Variants in PCBP3 observed in about 807,000 individuals in gnomAD.
PCBP3 encodes poly(rC) binding protein 3.
A neutral mutation model predicts 52.7 loss-of-function variants in PCBP3; 25 were observed. The ratio of observed to expected loss-of-function variants is 0.47; its 90% CI spans 0.35 to 0.66. The LOEUF (loss-of-function observed/expected upper bound fraction) is 0.66. Among genes scored for constraint, PCBP3 ranks in the 30% least tolerant of loss-of-function variants. The probability of loss-of-function intolerance (pLI) is 0.01; values close to 1 mark genes in which losing one functional copy is unlikely to be tolerated. For synonymous variants in PCBP3, 162 were observed against 183.0 expected (o/e 0.89, Z 0.93); for missense variants, 391 against 490.3 (o/e 0.80, Z 1.91).
intron 4 of PCBP3, among the ~76,000 whole-genome samples, chr21:45,823,382 G>T (rs912696584): frequency 6.6e-6 from 1 of 152,192 alleles, no homozygotes; most frequent in African/African-American, 2.4e-5. Flanking sequence ...AAGTCCTGCT[G>T]GGGATTCGGT....
At chr21:45,927,608 G>A (rs552727386) in intron 13 of PCBP3, among the ~76,000 whole-genome samples, 10 of 151,602 alleles carry the variant, frequency 6.6e-5, no homozygotes, top group Non-Finnish European at 1.2e-4. Flanking sequence ...CCCCAGCACC[G>A]CCCAGTGCTA....
Position 45,829,386 on chromosome 21 carries a change from G to C in PCBP3, c.-125-20575G>C, listed in dbSNP as rs2093389358. On this transcript the variant is annotated intron_variant, in intron 4 of 17. Coordinates refer to ENST00000681687, the MANE Select transcript of PCBP3 (RefSeq NM_001384156.1). This position sits in a 1 kb window ranked among gnomAD's most constrained non-coding sequence, Gnocchi z 5.2. ...ACACTGGCATAGCTCCCTGCACAGGGAGCCCGGGACCAGGCAGAGGGTGCT... is the reference window on the plus strand; with the variant it reads ...ACACTGGCATAGCTCCCTGCACAGGCAGCCCGGGACCAGGCAGAGGGTGCT... The C allele has an allele frequency of 6.6e-6, 1 of 152,182 alleles. No homozygotes were observed. Among genetic ancestry groups the C allele is most frequent in the Non-Finnish European group, 1.5e-5 (1 of 68,074 alleles). 9.4% of individuals were successfully genotyped at this position (152,182 alleles called of 1,614,324 possible). A position where few individuals can be genotyped will look rare whatever the true frequency, so the allele number is the denominator to read the frequency against.
chr21:45,816,581 C>G (rs1264720966), intron 4 of PCBP3, among the ~76,000 whole-genome samples: 1 of 144,918 alleles, frequency 6.9e-6, no homozygotes, highest in African/African-American at 2.6e-5. Context: ...TAGGCCTGCA[C>G]AGGGTCAGAA....
intron 4 of PCBP3, among the ~76,000 whole-genome samples, chr21:45,842,772 G>A (rs772265232): frequency 2.0e-5 from 3 of 152,204 alleles, no homozygotes; most frequent in African/African-American, 7.2e-5. Context: ...GGACACCACC[G>A]GTGGGGAGAA....
At position 45,791,150 on chromosome 21, in the gene PCBP3, C is replaced by T. The variant is rs964497807; in HGVS notation, c.-126+35698C>T. ...GTCCATCCCAGGAAGCCCCTCACAA[C>T]AAGGCTGTGTTGGTCGTCAGCCCAG... is the stretch of plus-strand genomic sequence containing the variant. On this transcript the variant is annotated intron_variant, in intron 4 of 17. Coordinates refer to ENST00000681687, the MANE Select transcript of PCBP3 (RefSeq NM_001384156.1). The surrounding 1 kb of genome is among the most constrained non-coding windows in gnomAD (Gnocchi z 4.2). 1.3e-5 allele frequency among the ~76,000 whole-genome samples: 2 copies of T among 152,262 alleles called. No homozygotes were observed. Among genetic ancestry groups the T allele is most frequent in the East Asian group, 3.9e-4 (2 of 5,152 alleles).
intron 4 of PCBP3, among the ~76,000 whole-genome samples, chr21:45,767,310 G>A (rs527588958): frequency 9.2e-5 from 14 of 152,280 alleles, no homozygotes; most frequent in South Asian, 6.2e-4. Flanking sequence ...ACCACACAGC[G>A]TCTGGCTTCT....
intron 5 of PCBP3, among the ~76,000 whole-genome samples, chr21:45,874,995 CT>C (rs1257335153): frequency 1.3e-5 from 2 of 152,232 alleles, no homozygotes; most frequent in South Asian, 2.1e-4. Flanking sequence ...GGCCAGCCCC[CT>C]GTCCAAGTAG....
rs760246351 is a variant in PCBP3, at chr21:45,837,734, C to G, written c.-125-12227C>G. On this transcript the variant is annotated intron_variant, in intron 4 of 17. Transcript: ENST00000681687. This position sits in a 1 kb window ranked among gnomAD's most constrained non-coding sequence, Gnocchi z 4.1. ...AGGCGAGCGAGCTTCCTAGGTGGCA[C>G]TGCACGTTGCACCGCATGGCATGAT... Among the ~76,000 whole-genome samples the G allele has an allele frequency of 1.4e-4, 22 of 152,200 alleles. No homozygotes were observed. Among genetic ancestry groups the G allele is most frequent in the Admixed American group, 7.2e-4 (11 of 15,286 alleles).
chr21:45,941,958 C>T lies in PCBP3; in HGVS notation c.*252C>T, dbSNP rs559138812. ...CTTACGCTCCCGTCTGCCCATGCAC[C>T]GGCATGCAGTGGTAATTATTTTAGA... On this transcript the variant is annotated 3_prime_UTR_variant, in exon 18 of 18. Transcript: ENST00000681687. The T allele has an allele frequency of 1.2e-5, 5 of 419,514 alleles. No homozygotes were observed. The highest frequency in any genetic ancestry group is 3.6e-5 in the East Asian group (1 of 27,582). The allele number at this position is 419,514 out of a possible 1,614,324, so 26.0% of individuals were successfully genotyped here.
chr21:45,693,100 A>T (rs1290694209), intron 2 of PCBP3, among the ~76,000 whole-genome samples: 1 of 152,174 alleles, frequency 6.6e-6, no homozygotes, highest in African/African-American at 2.4e-5. Flanking sequence ...AATAATAAAA[A>T]TTCTCAGTAA....
At chr21:45,700,373 A>T (rs1384392743) in intron 2 of PCBP3, among the ~76,000 whole-genome samples, 2 of 152,242 alleles carry the variant, frequency 1.3e-5, no homozygotes, top group Non-Finnish European at 2.9e-5. Flanking sequence ...AAGGGAACGC[A>T]TTAATCAGAA....
intron 2 of PCBP3, among the ~76,000 whole-genome samples, chr21:45,676,001 T>C (rs1036521837): frequency 8.5e-5 from 13 of 152,214 alleles, no homozygotes; most frequent in African/African-American, 2.7e-4. Flanking sequence ...TTCTGTGAGA[T>C]GGAATTGAAA....
chr21:45,881,723 A>C (rs1299223988), intron 5 of PCBP3, among the ~76,000 whole-genome samples: 1 of 150,012 alleles, frequency 6.7e-6, no homozygotes, highest in Non-Finnish European at 1.5e-5. Flanking sequence ...ATTTCCCCCA[A>C]CCCCCCGCAG....
rs1466624520 is a variant in PCBP3 at position 45,773,287 on chromosome 21, G to A, written c.-126+17835G>A. The stretch of plus-strand genomic sequence containing the variant: ...TATAGTTTCAGGTCTTACATTTTAA[G>A]TATTTAATCCATTTTGAATTGATTT... On this transcript the variant is annotated intron_variant, in intron 4 of 17. Transcript: ENST00000681687. Among the ~76,000 whole-genome samples the A allele has an allele frequency of 3.9e-5, 6 of 152,100 alleles. No homozygotes were observed. In the East Asian group the frequency reaches 5.8e-4, roughly 15 times the overall value.
chr21:45,936,739 A>G (rs1792099690), intron 16 of PCBP3, among the ~76,000 whole-genome samples: 1 of 152,206 alleles, frequency 6.6e-6, no homozygotes, highest in Admixed American at 6.5e-5. Flanking sequence ...CTCTTATCCA[A>G]ACACTCATTT....
intron 1 of PCBP3, among the ~76,000 whole-genome samples, chr21:45,667,669 A>G (rs1037595158): frequency 5.3e-5 from 8 of 152,124 alleles, no homozygotes; most frequent in Admixed American, 5.2e-4. Context: ...TTCCTTGGGA[A>G]CAGTTTCTAT....
At chr21:45,657,413 A>T (rs1277021306) in intron 1 of PCBP3, among the ~76,000 whole-genome samples, 1 of 152,144 alleles carries the variant, frequency 6.6e-6, no homozygotes, top group East Asian at 1.9e-4. Context: ...TCAAAAGACT[A>T]CCTATTGAAT....
chr21:45,646,489 C>G (rs1428275973), intron 1 of PCBP3, among the ~76,000 whole-genome samples: 3 of 152,066 alleles, frequency 2.0e-5, no homozygotes, highest in Non-Finnish European at 2.9e-5. Flanking sequence ...TAACAGAATA[C>G]CTGAAACTAG....
At chr21:45,927,824 G>A (rs1178756012) in intron 13 of PCBP3, among the ~76,000 whole-genome samples, 3 of 152,156 alleles carry the variant, frequency 2.0e-5, no homozygotes, top group Non-Finnish European at 2.9e-5. Context: ...CCTTCCTGTC[G>A]CCACGGCCAC....
Sources: gnomAD v4.1 joint callset for allele counts (sites outside exome capture counted in the v4.1 genomes callset) on GRCh38, gnomAD v4.1.1 for gene constraint, Gnocchi (gnomAD v3.1) non-coding constraint, MANE v1.5 for transcripts, NCBI Gene and HGNC (gene_info 2026-07-23, HGNC 2026-07-21) for gene names.